CLPP: variants seen among roughly 807,000 people sequenced by gnomAD.
CLPP encodes the protein ATP-dependent Clp protease proteolytic subunit, mitochondrial.
A neutral mutation model predicts 27.4 loss-of-function variants in CLPP; 14 were observed. The ratio of observed to expected loss-of-function variants is 0.51; its 90% CI spans 0.34 to 0.80. The LOEUF (loss-of-function observed/expected upper bound fraction) is 0.80, where lower values mean the gene tolerates loss of function less well. CLPP is among the 30% of genes least tolerant of loss of function. CLPP has a pLI of 0.02. For synonymous variants in CLPP, 193 were observed against 166.6 expected (o/e 1.16, Z -1.22); for missense variants, 361 against 403.6 (o/e 0.89, Z 0.90).
intron 5 of CLPP, among the ~76,000 whole-genome samples, chr19:6,367,069 T>C (rs989731366): frequency 6.6e-6 from 1 of 151,788 alleles, no homozygotes; most frequent in Non-Finnish European, 1.5e-5. Context: ...TGAAACCCCA[T>C]TTCATAGAAA....
Position 6,368,846 on chromosome 19 carries a change from T to C in CLPP, c.*136T>C, listed in dbSNP as rs575440694. 12 of 710,106 alleles carry C rather than the reference T, an allele frequency of 1.7e-5. No individual in the cohort carries two copies. In the African/African-American group the frequency reaches 2.0e-4, roughly 12 times the overall value. 44.0% of individuals were successfully genotyped at this position (710,106 alleles called of 1,614,324 possible). ...TTTTAATTTGCAGGGGTGCCCGCTA[T>C]GGACGGGGCATTCCAGCTGAGACAC... On this transcript the variant is annotated 3_prime_UTR_variant, in exon 6 of 6. Coordinates refer to ENST00000245816, the MANE Select transcript of CLPP (RefSeq NM_006012.4).
In CLPP at chr19:6,361,618, G is replaced by T. The variant is rs2091833757; in HGVS notation, c.44G>T (p.Cys15Phe). Reference protein sequence around the residue: ...ILVGGARVASCRYPALGPRLA... With the variant: ...ILVGGARVASFRYPALGPRLA... ...GTAGGGGGGGCCCGGGTGGCGTCAT[G>T]CAGGTACCCCGCGCTGGGGCCTCGC... Residue 15 changes from cysteine to phenylalanine, a missense_variant, in exon 1 of 6, where the codon TGC (cysteine) becomes TTC (phenylalanine). Transcript: ENST00000245816. 1 of 1,423,670 alleles carries T rather than the reference G, an allele frequency of 7.0e-7. No individual in the cohort carries two copies. The allele number at this position is 1,423,670 out of a possible 1,614,324, so 88.2% of individuals were successfully genotyped here.
chr19:6,364,332 A>G (rs537544769), intron 3 of CLPP, 120 bp from the exon 4 acceptor site: 8 of 920,458 alleles, frequency 8.7e-6, no homozygotes, highest in African/African-American at 8.3e-5. Flanking sequence ...GCCCAGTCAT[A>G]TTAATTTTTA....
Position 6,368,913 on chromosome 19 carries a change from TGGGACACCCTCC to T in CLPP, c.*204_*215del, listed in dbSNP as rs2091874897. 1 of 589,358 alleles carries T rather than the reference TGGGACACCCTCC, an allele frequency of 1.7e-6. No individual in the cohort carries two copies. The allele number at this position is 589,358 out of a possible 1,614,324, so 36.5% of individuals were successfully genotyped here. On this transcript the variant is annotated 3_prime_UTR_variant, in exon 6 of 6. Coordinates refer to ENST00000245816, the MANE Select transcript of CLPP (RefSeq NM_006012.4). ...ATCTTTGTGGTCTTTGCTCTGCGTC[TGGGACACCCTCC>T]CTTCTGCACCATGACAGCGTGTACA...
chr19:6,365,676 C>T (rs78017215), intron 4 of CLPP, among the ~76,000 whole-genome samples: 3,209 of 150,692 alleles, frequency 0.021, 40 homozygotes, highest in Non-Finnish European at 0.033. Context: ...TAAAATGACT[C>T]GGGCATGGTT....
In CLPP at chr19:6,368,660, G is replaced by C. The variant is rs1285826278; in HGVS notation, c.784G>C (p.Glu262Gln). 6.3e-6 allele frequency: 10 copies of C among 1,594,318 alleles called. No individual in the cohort carries two copies. The Admixed American group carries it at 1.1e-4, about 17-fold the overall frequency. The change falls in exon 6 of 6, where the codon GAG becomes CAG. Residue 262 changes from glutamate (E) to glutamine (Q), a missense_variant. Glu to Gln is a conservative substitution (Grantham distance 29). This residue lies in a region of CLPP where 213 missense variants were observed against 280.9 expected (regional missense o/e 0.76). Transcript: ENST00000245816. ...GGATGAGCCCACGCTGGTGCAGAAGGAGCCTGTAGAAGCAGCGCCGGCAGC... is the reference window on the plus strand; with the variant it reads ...GGATGAGCCCACGCTGGTGCAGAAGCAGCCTGTAGAAGCAGCGCCGGCAGC... ...GEDEPTLVQK[E>Q]PVEAAPAAEP...
chr19:6,364,408 C>G lies in CLPP; in HGVS notation c.368-44C>G, dbSNP rs779555007. On this transcript the variant is annotated intron_variant, in intron 3 of 5. Transcript: ENST00000245816. ...TTAGGAGATGGAATAGGGAAAGGGT[C>G]GGGGGGAGCTGGTCCAGCCCCTCAC... 1.4e-4 allele frequency: 218 copies of G among 1,551,600 alleles called. No individual in the cohort carries two copies. In the South Asian group the frequency reaches 1.4e-3, roughly 10 times the overall value.
Position 6,364,647 on chromosome 19 carries a change from C to T in CLPP, c.555+8C>T, listed in dbSNP as rs1214418348. The T allele has an allele frequency of 1.2e-6, 2 of 1,604,866 alleles. No homozygotes were observed. On this transcript the variant is annotated splice_region_variant and intron_variant, in intron 4 of 5. Coordinates refer to ENST00000245816, the MANE Select transcript of CLPP (RefSeq NM_006012.4). The stretch of plus-strand genomic sequence containing the variant: ...CCCTCAGGAGGCGCCCGGGTGAGTG[C>T]CAGACACGCGAGCTGCTGTTGGGAA...
At chr19:6,362,183 C>G in intron 2 of CLPP, 1 of 602,410 alleles carries the variant, frequency 1.7e-6, no homozygotes, top group Non-Finnish European at 3.0e-6. Context: ...CCCCTCATTC[C>G]TACGCTCAAG....
rs74729907 is a variant in CLPP at position 6,368,774 on chromosome 19, C to T, written c.*64C>T. ...GAGGCCTGCCAGACCCCCAGCTGGG[C>T]CCTGCTCACCCCTTGTTGCTGGGCT... On this transcript the variant is annotated 3_prime_UTR_variant, in exon 6 of 6. Coordinates refer to ENST00000245816, the MANE Select transcript of CLPP (RefSeq NM_006012.4). 54,289 of 1,443,432 alleles carry T rather than the reference C, an allele frequency of 0.038. 1,128 individuals are homozygous for T. Among genetic ancestry groups the T allele is most frequent in the Non-Finnish European group, 0.042 (45,377 of 1,072,814 alleles). 89.4% of individuals were successfully genotyped at this position (1,443,432 alleles called of 1,614,324 possible).
intron 4 of CLPP, 46 bp from the exon 5 acceptor site, chr19:6,366,212 C>T (rs375199592): frequency 3.1e-5 from 43 of 1,378,862 alleles, no homozygotes; most frequent in African/African-American, 2.6e-4. Context: ...GAGGGGCTGA[C>T]GCCGATACCA....
Position 6,361,883 on chromosome 19 carries a change from C to A in CLPP, c.213C>A (p.Arg71=). The A allele has an allele frequency of 6.3e-7, 1 of 1,598,432 alleles. No homozygotes were observed. The highest frequency in any genetic ancestry group is 8.5e-7 in the Non-Finnish European group (1 of 1,179,306). Residue 71 remains arginine, a synonymous_variant, in exon 2 of 6, where the codon CGC becomes CGA. Transcript: ENST00000245816. ...IVVEQTGRGE[R]AYDIYSRLLR... is the part of the protein sequence containing the mutation. ...TCTACCCCCAGGGTCGCGGCGAGCG[C>A]GCCTATGACATCTACTCGCGGCTGC...
In CLPP at chr19:6,361,574, G is replaced by T. The variant is rs1250917763; in HGVS notation, c.-1G>T. The stretch of plus-strand genomic sequence containing the variant: ...GGAAGCCGACCGGGGCGTGCGGAGG[G>T]ATGTGGCCCGGAATATTGGTAGGGG... On this transcript the variant is annotated 5_prime_UTR_variant, in exon 1 of 6. Coordinates refer to ENST00000245816, the MANE Select transcript of CLPP (RefSeq NM_006012.4). 2.1e-6 allele frequency: 3 copies of T among 1,405,736 alleles called. No individual in the cohort carries two copies. Among genetic ancestry groups the T allele is most frequent in the Admixed American group, 3.2e-5 (1 of 31,476 alleles). The allele number at this position is 1,405,736 out of a possible 1,614,324, so 87.1% of individuals were successfully genotyped here. A position where few individuals can be genotyped will look rare whatever the true frequency, so the allele number is the denominator to read the frequency against.
rs2091873386 is a variant in CLPP, at chr19:6,368,584, G to A, written c.708G>A (p.Gln236=). Reference sequence around the variant, plus strand: ...GCTACATGAGCCCCATGGAGGCCCAGGAGTTTGGCATCTTAGACAAGGTTC... The same window carrying A: ...GCTACATGAGCCCCATGGAGGCCCAAGAGTTTGGCATCTTAGACAAGGTTC... ...RDRYMSPMEA[Q]EFGILDKVLV... Residue 236 remains glutamine (Q), a synonymous_variant, in exon 6 of 6, where the codon CAG becomes CAA. Transcript: ENST00000245816. 3.1e-6 allele frequency: 5 copies of A among 1,614,054 alleles called. No individual in the cohort carries two copies. Among genetic ancestry groups the A allele is most frequent in the Non-Finnish European group, 4.2e-6 (5 of 1,180,016 alleles).
intron 2 of CLPP, 96 bp downstream of exon 2, chr19:6,362,036 G>T: frequency 8.3e-7 from 1 of 1,200,318 alleles, no homozygotes; most frequent in Non-Finnish European, 1.2e-6. Context: ...CTTTCCCTCA[G>T]GCTCCGCTCC....
intron 2 of CLPP, 79 bp downstream of exon 2, chr19:6,362,019 C>T (rs888495215): frequency 1.0e-5 from 14 of 1,348,620 alleles, no homozygotes; most frequent in Non-Finnish European, 1.3e-5. Flanking sequence ...CCTTCCCTGG[C>T]CCCAGACTTT....
intron 5 of CLPP, among the ~76,000 whole-genome samples, chr19:6,367,867 T>C (rs1188822262): frequency 2.0e-5 from 3 of 151,710 alleles, no homozygotes; most frequent in Admixed American, 2.0e-4. Flanking sequence ...CACACCTGGC[T>C]CATTTTTGTA....
chr19:6,369,415 A>G lies in CLPP; in HGVS notation c.*705A>G, dbSNP rs1268003072. 1.3e-5 allele frequency among the ~76,000 whole-genome samples: 1 copy of G among 77,070 alleles called. No homozygotes were observed. Among genetic ancestry groups the G allele is most frequent in the South Asian group, 4.7e-4 (1 of 2,128 alleles). The allele number at this position is 77,070 out of a possible 152,430, so 50.6% of individuals were successfully genotyped here. A position where few individuals can be genotyped will look rare whatever the true frequency, so the allele number is the denominator to read the frequency against. ...GGGCAACAGAGCAAGGCTCTGTCTC[A>G]AAAAAAAAAAAAAACAAAAACAGGA... On this transcript the variant is annotated 3_prime_UTR_variant, in exon 6 of 6. Coordinates refer to ENST00000245816, the MANE Select transcript of CLPP (RefSeq NM_006012.4).
At chr19:6,363,248 T>C (rs2091845347) in intron 3 of CLPP, among the ~76,000 whole-genome samples, 1 of 151,738 alleles carries the variant, frequency 6.6e-6, no homozygotes, top group South Asian at 2.1e-4. Context: ...AGCTTCAGCC[T>C]CTCAAGTAGC....
Sources: gnomAD v4.1 joint callset for allele counts (sites outside exome capture counted in the v4.1 genomes callset) on GRCh38, gnomAD v4.1.1 for gene constraint, gnomAD v4.1.1 regional missense constraint, MANE v1.5 for transcripts, NCBI Gene and HGNC (gene_info 2026-07-23, HGNC 2026-07-21) for gene names.